The following TMEM87A variants were observed in gnomAD, a reference collection of about 807,000 sequenced individuals.
TMEM87A encodes the protein Golgi-pH regulating cation channel.
In TMEM87A, 50 loss-of-function variants were observed where a neutral mutation model predicts 90.0. That is an observed-to-expected ratio of 0.56 (90% CI 0.44 to 0.70). TMEM87A has a LOEUF of 0.70. Ranked by LOEUF, TMEM87A falls within the 30% of genes least tolerant of loss-of-function variation. The pLI, the probability that TMEM87A is intolerant of heterozygous loss-of-function variation, is 0.00. For missense variants in TMEM87A, 577 were observed against 660.5 expected, an observed-to-expected ratio of 0.87 and a Z score of 1.39; for synonymous variants, 226 against 226.7, an observed-to-expected ratio of 1.00 and a Z score of 0.03.
intron 6 of TMEM87A, among the ~76,000 whole-genome samples, chr15:42,259,376 G>C (rs2051247163): frequency 6.6e-6 from 1 of 152,110 alleles, no homozygotes. Context: ...TGCCCACCTA[G>C]GCCTCCCAAA....
chr15:42,265,618 A>G (rs1166556805), intron 3 of TMEM87A, among the ~76,000 whole-genome samples: 1 of 152,178 alleles, frequency 6.6e-6, no homozygotes, highest in Admixed American at 6.5e-5. Context: ...TGTTGGATGC[A>G]TAGTTTGCAA....
At chr15:42,252,511 C>G (rs1003971235) in intron 6 of TMEM87A, among the ~76,000 whole-genome samples, 3 of 152,146 alleles carry the variant, frequency 2.0e-5, no homozygotes, top group Non-Finnish European at 4.4e-5. Context: ...ATACTTTCAT[C>G]AAATTTGGTA....
chr15:42,267,273 TAC>T (rs2051425532), intron 3 of TMEM87A, among the ~76,000 whole-genome samples: 1 of 152,238 alleles, frequency 6.6e-6, no homozygotes, highest in South Asian at 2.1e-4. Context: ...AGGTAAAAGA[TAC>T]ATTCATATCA....
chr15:42,265,742 C>T (rs1463253912), intron 3 of TMEM87A, among the ~76,000 whole-genome samples: 2 of 152,164 alleles, frequency 1.3e-5, no homozygotes, highest in Admixed American at 1.3e-4. Context: ...GTTGCAATTG[C>T]TTTTGGCGCA....
intron 7 of TMEM87A, among the ~76,000 whole-genome samples, chr15:42,242,530 G>T (rs1237821940): frequency 1.3e-5 from 2 of 151,862 alleles, no homozygotes; most frequent in East Asian, 3.9e-4. Context: ...AGAGGGACAG[G>T]GAGAGAGGGA....
chr15:42,261,924 G>A (rs777230575), intron 4 of TMEM87A, among the ~76,000 whole-genome samples: 4 of 152,146 alleles, frequency 2.6e-5, no homozygotes, highest in Admixed American at 2.0e-4. Context: ...GTGAGCCACC[G>A]CGCCCGGCCT....
At chr15:42,225,873 T>C (rs1379753628) in intron 15 of TMEM87A, among the ~76,000 whole-genome samples, 2 of 152,086 alleles carry the variant, frequency 1.3e-5, no homozygotes, top group Non-Finnish European at 2.9e-5. Context: ...CCTTGTTTAC[T>C]ATACAAATAC....
chr15:42,228,861 G>A (rs1396617418), intron 12 of TMEM87A, 41 bp from the exon 13 acceptor site: 1 of 1,428,832 alleles, frequency 7.0e-7, no homozygotes, highest in Non-Finnish European at 9.5e-7. Flanking sequence ...GGAAAAAACA[G>A]TAAGCTAGCC....
intron 6 of TMEM87A, among the ~76,000 whole-genome samples, 163 bp from the exon 7 acceptor site, chr15:42,244,330 T>C (rs1466183210): frequency 6.6e-6 from 1 of 152,166 alleles, no homozygotes; most frequent in East Asian, 1.9e-4. Context: ...ACAAGCCTAG[T>C]GCATAAAGTA....
rs149726702 is a variant in TMEM87A, at chr15:42,250,544, T to C, written c.505-6377A>G. Among the ~76,000 whole-genome samples the C allele has an allele frequency of 8.8e-3, 1,345 of 152,328 alleles. 19 individuals are homozygous for C. The highest frequency in any genetic ancestry group is 0.031 in the African/African-American group (1,279 of 41,560). ...ACTTATGAAGCTTAGTTTGGCTGGA[T>C]ATGAAATTCTGGATTGAAAATTATT... On this transcript the variant is annotated intron_variant, in intron 6 of 19. Coordinates refer to ENST00000389834, the MANE Select transcript of TMEM87A (RefSeq NM_015497.5).
chr15:42,233,342 G>A, intron 10 of TMEM87A, 36 bp from the exon 11 acceptor site: 1 of 1,530,344 alleles, frequency 6.5e-7, no homozygotes, highest in South Asian at 1.1e-5. Flanking sequence ...GAGTACATAT[G>A]GGACAAATGC....
At chr15:42,231,504 A>G (rs1477366510) in intron 11 of TMEM87A, among the ~76,000 whole-genome samples, 2 of 152,222 alleles carry the variant, frequency 1.3e-5, no homozygotes, top group African/African-American at 4.8e-5. Context: ...GCTAAGTACG[A>G]GTTTTTCATA....
chr15:42,263,335 G>A (rs1181132637), intron 4 of TMEM87A, among the ~76,000 whole-genome samples: 2 of 152,210 alleles, frequency 1.3e-5, no homozygotes, highest in African/African-American at 4.8e-5. Context: ...TTTATATGAG[G>A]TATCTAGAAT....
intron 10 of TMEM87A, 41 bp downstream of exon 10, chr15:42,236,279 G>T: frequency 6.6e-7 from 1 of 1,507,262 alleles, no homozygotes; most frequent in Non-Finnish European, 9.2e-7. Flanking sequence ...AATTTAATCA[G>T]CATTTTAATT....
intron 6 of TMEM87A, among the ~76,000 whole-genome samples, chr15:42,253,022 G>A (rs2051113945): frequency 6.6e-6 from 1 of 152,180 alleles, no homozygotes. Context: ...TCTTAGACCT[G>A]TGTGGCTACT....
At chr15:42,213,116 T>C (rs887007081) in intron 19 of TMEM87A, among the ~76,000 whole-genome samples, 2 of 152,152 alleles carry the variant, frequency 1.3e-5, no homozygotes, top group African/African-American at 4.8e-5. Flanking sequence ...TCCCTTCCCA[T>C]GGACCCAGCA....
intron 2 of TMEM87A, among the ~76,000 whole-genome samples, chr15:42,270,956 A>G (rs2051511080): frequency 6.6e-6 from 1 of 152,216 alleles, no homozygotes; most frequent in African/African-American, 2.4e-5. Flanking sequence ...ATTACTCACT[A>G]AACAATTGAA....
chr15:42,233,568 A>C (rs1423041996), intron 10 of TMEM87A, among the ~76,000 whole-genome samples: 1 of 152,178 alleles, frequency 6.6e-6, no homozygotes, highest in African/African-American at 2.4e-5. Flanking sequence ...CACAAGTAGT[A>C]TAATGCACCC....
At chr15:42,261,111 C>T (rs914966752) in intron 5 of TMEM87A, 85 bp downstream of exon 5, 3 of 1,551,388 alleles carry the variant, frequency 1.9e-6, no homozygotes, top group Non-Finnish European at 8.8e-7. Context: ...AGCACTCCCT[C>T]CTTAGAGATG....
Sources: gnomAD v4.1 joint callset for allele counts (sites outside exome capture counted in the v4.1 genomes callset) on GRCh38, gnomAD v4.1.1 for gene constraint, MANE v1.5 for transcripts, NCBI Gene and HGNC (gene_info 2026-07-23, HGNC 2026-07-21) for gene names.